Variants in CUL9 observed in about 807,000 individuals in gnomAD.
CUL9 encodes the protein cullin 9.
Under a neutral mutation model 272.6 loss-of-function variants are expected in CUL9, and 79 were observed. The ratio of observed to expected loss-of-function variants is 0.29; its 90% confidence interval spans 0.24 to 0.35. CUL9 has a LOEUF of 0.35. Among genes scored for constraint, CUL9 ranks in the 10% least tolerant of loss-of-function variants. The probability of loss-of-function intolerance (pLI) is 1.00; values close to 1 mark genes in which losing one functional copy is unlikely to be tolerated. For synonymous variants in CUL9, 1,186 were observed against 1,286.5 expected (o/e 0.92, Z 1.67); for missense variants, 2,532 against 3,255.6 (o/e 0.78, Z 5.41).
In CUL9 at chr6:43,205,292, C is replaced by G; in HGVS notation, c.4662C>G (p.Asp1554Glu). The G allele has an allele frequency of 6.2e-7, 1 of 1,614,188 alleles. No individual in the cohort carries two copies. The highest frequency in any genetic ancestry group is 8.5e-7 in the Non-Finnish European group (1 of 1,180,000). The change falls in exon 24 of 41, where the codon GAC (aspartate) becomes GAG (glutamate). Residue 1554 changes from aspartate to glutamate, a missense_variant. Physicochemically the swap from Asp to Glu is conservative, Grantham distance 45. Transcript: ENST00000252050. ...GTGAGCAGTTTGCCAGGTACATTGACCAACAGATCCAGGGTGGCCTGATTG... is the reference window on the plus strand; with the variant it reads ...GTGAGCAGTTTGCCAGGTACATTGAGCAACAGATCCAGGGTGGCCTGATTG... ...HMSEQFARYIDQQIQGGLIGG... is the reference protein window; with the variant it reads ...HMSEQFARYIEQQIQGGLIGG...
In CUL9 at chr6:43,200,122, A is replaced by G; in HGVS notation, c.3350A>G (p.Asn1117Ser). Residue 1117 changes from asparagine (N) to serine (S), a missense_variant, in exon 14 of 41, where the codon AAC (asparagine) becomes AGC (serine). This residue lies in a region of CUL9 where 2,218 missense variants were observed against 2,788.6 expected (regional missense o/e 0.80). Coordinates refer to ENST00000252050, the MANE Select transcript of CUL9 (RefSeq NM_015089.4). This position sits in a 1 kb window ranked among gnomAD's most constrained non-coding sequence, Gnocchi z 4.0. ...ECEKYAQLYS[N>S]LTSSILAGCI... ...GAGAAGTACGCACAGCTCTATAGCA[A>G]CCTCACCTCCAGCATCCTGGCCGGC... 6.2e-7 allele frequency: 1 copy of G among 1,614,124 alleles called. No individual in the cohort carries two copies. The highest frequency in any genetic ancestry group is 8.5e-7 in the Non-Finnish European group (1 of 1,180,006).
rs1582419681 is a variant in CUL9 at position 43,216,355 on chromosome 6, A to C, written c.6134A>C (p.Asp2045Ala). The C allele has an allele frequency of 1.9e-6, 3 of 1,614,032 alleles. No homozygotes were observed. The highest frequency in any genetic ancestry group is 2.5e-6 in the Non-Finnish European group (3 of 1,179,988). ...CAGCTGCTGCAGAGCTACAGTGAGG[A>C]CCCTGAGCCACTGCTGCTGGCAGCT... is the stretch of plus-strand genomic sequence containing the variant. ...AEQLLQSYSE[D>A]PEPLLLAAGL... Residue 2045 changes from aspartate to alanine, a missense_variant, in exon 31 of 41, where the codon GAC becomes GCC. Asp to Ala is a moderately radical substitution (Grantham distance 126). This residue lies in a region of CUL9 where 2,218 missense variants were observed against 2,788.6 expected (regional missense o/e 0.80). Coordinates refer to ENST00000252050, the MANE Select transcript of CUL9 (RefSeq NM_015089.4).
intron 31 of CUL9, among the ~76,000 whole-genome samples, chr6:43,219,087 G>T (rs185397169): frequency 3.6e-4 from 55 of 152,248 alleles, no homozygotes; most frequent in Non-Finnish European, 6.2e-4. Context: ...TACTCAGGAG[G>T]TTGAGGTGGG....
chr6:43,189,364 T>G (rs1773225351), intron 8 of CUL9, among the ~76,000 whole-genome samples: 1 of 151,804 alleles, frequency 6.6e-6, no homozygotes, highest in Non-Finnish European at 1.5e-5. Context: ...TTTTGTACTT[T>G]TAGTAGAGAC....
intron 8 of CUL9, among the ~76,000 whole-genome samples, chr6:43,189,376 G>A (rs1459373953): frequency 2.0e-5 from 3 of 151,820 alleles, no homozygotes; most frequent in African/African-American, 7.3e-5. Flanking sequence ...AGTAGAGACA[G>A]GGTTTCATCA....
chr6:43,223,036 C>A lies in CUL9; in HGVS notation c.7150+140C>A. On this transcript the variant is annotated intron_variant, in intron 38 of 40. Coordinates refer to ENST00000252050, the MANE Select transcript of CUL9 (RefSeq NM_015089.4). The surrounding 1 kb of genome is among the most constrained non-coding windows in gnomAD (Gnocchi z 4.1). ...TTCATTCTTCATGGCCTTCTCACTG[C>A]CTGGCTGTTAAAGCTCAGGTCGAAA... The A allele has an allele frequency of 2.2e-6, 2 of 903,536 alleles. No homozygotes were observed. Among genetic ancestry groups the A allele is most frequent in the South Asian group, 1.6e-5 (1 of 61,350 alleles). The allele number at this position is 903,536 out of a possible 1,614,324, so 56.0% of individuals were successfully genotyped here.
chr6:43,193,693 C>T (rs1423462718), intron 9 of CUL9, among the ~76,000 whole-genome samples: 4 of 152,062 alleles, frequency 2.6e-5, no homozygotes, highest in Admixed American at 6.6e-5. Context: ...CATGAGCCAC[C>T]GTGCCCAGCC....
Position 43,187,891 on chromosome 6 carries a change from A to G in CUL9, c.1760A>G (p.Asn587Ser). 6.2e-7 allele frequency: 1 copy of G among 1,614,060 alleles called. No individual in the cohort carries two copies. Among genetic ancestry groups the G allele is most frequent in the Non-Finnish European group, 8.5e-7 (1 of 1,180,008 alleles). The stretch of plus-strand genomic sequence containing the variant: ...CCAAGCAGCTCGTCTACTTCACGAA[A>G]TCACTCCTGTACCCCAGATCCAGAA... The part of the protein sequence containing the change: ...NEPSSSSTSR[N>S]HSCTPDPEEE... The change falls in exon 7 of 41, where the codon AAT becomes AGT. Residue 587 changes from asparagine to serine, a missense_variant. Physicochemically the swap from Asn to Ser is conservative, Grantham distance 46. Coordinates refer to ENST00000252050, the MANE Select transcript of CUL9 (RefSeq NM_015089.4).
rs1049487265 is a variant in CUL9 at position 43,223,068 on chromosome 6, A to T, written c.7150+172A>T. On this transcript the variant is annotated intron_variant, in intron 38 of 40. Transcript: ENST00000252050. The surrounding 1 kb of genome is among the most constrained non-coding windows in gnomAD (Gnocchi z 4.1). ...GTTAAAGCTCAGGTCGAAAGCCTACATTGTAAGGTGCCCAAGGGCGCAGAT... is the reference window on the plus strand; with the variant it reads ...GTTAAAGCTCAGGTCGAAAGCCTACTTTGTAAGGTGCCCAAGGGCGCAGAT... 1 of 926,046 alleles carries T rather than the reference A, an allele frequency of 1.1e-6. No homozygotes were observed. Among genetic ancestry groups the T allele is most frequent in the African/African-American group, 1.7e-5 (1 of 60,014 alleles). 57.4% of individuals were successfully genotyped at this position (926,046 alleles called of 1,614,324 possible).
At chr6:43,187,207 C>A in intron 5 of CUL9, 39 bp from the exon 6 acceptor site, 2 of 1,607,814 alleles carry the variant, frequency 1.2e-6, no homozygotes, top group African/African-American at 1.3e-5. Flanking sequence ...AGACCCCATT[C>A]CTGAGGGGTG....
chr6:43,193,523 T>C (rs1773713533), intron 9 of CUL9, among the ~76,000 whole-genome samples: 1 of 152,140 alleles, frequency 6.6e-6, no homozygotes, highest in East Asian at 1.9e-4. Flanking sequence ...CATAAGCCAC[T>C]GTGCCAGGCC....
Position 43,215,231 on chromosome 6 carries a change from G to C in CUL9, c.5841G>C (p.Gln1947His). The C allele has an allele frequency of 6.2e-7, 1 of 1,614,202 alleles. No individual in the cohort carries two copies. The highest frequency in any genetic ancestry group is 8.5e-7 in the Non-Finnish European group (1 of 1,180,040). The part of the protein sequence containing the change: ...GYVKRRDDRP[Q>H]ILMYAAPEPM... ...TGAAACGGCGTGATGACCGGCCCCAGATCCTGATGTATGCCGCTCCAGAGC... is the reference window on the plus strand; with the variant it reads ...TGAAACGGCGTGATGACCGGCCCCACATCCTGATGTATGCCGCTCCAGAGC... The change falls in exon 30 of 41, where the codon CAG becomes CAC. Residue 1947 changes from glutamine (Q) to histidine (H), a missense_variant. Gln to His is a conservative substitution (Grantham distance 24). This residue lies in a region of CUL9 where 2,218 missense variants were observed against 2,788.6 expected (regional missense o/e 0.80). Transcript: ENST00000252050.
chr6:43,214,350 C>T (rs1562054894), intron 29 of CUL9, among the ~76,000 whole-genome samples: 1 of 152,210 alleles, frequency 6.6e-6, no homozygotes, highest in Non-Finnish European at 1.5e-5. Context: ...ACCCAGGAGG[C>T]GGAGGTTACA....
chr6:43,194,317 T>C, intron 9 of CUL9, among the ~76,000 whole-genome samples: 1 of 152,046 alleles, frequency 6.6e-6, no homozygotes, highest in Non-Finnish European at 1.5e-5. Context: ...TTTTTCTTTT[T>C]TCTTTTCTTT....
At chr6:43,208,931 G>A (rs1041007998) in intron 26 of CUL9, among the ~76,000 whole-genome samples, 2 of 151,584 alleles carry the variant, frequency 1.3e-5, no homozygotes, top group African/African-American at 4.9e-5. Flanking sequence ...TGCAACCTCC[G>A]CCTCCCAGGC....
rs766776219 is a variant in CUL9 at position 43,220,768 on chromosome 6, G to A, written c.6445G>A (p.Gly2149Ser). 2 of 1,613,040 alleles carry A rather than the reference G, an allele frequency of 1.2e-6. No individual in the cohort carries two copies. The highest frequency in any genetic ancestry group is 2.2e-5 in the South Asian group (2 of 91,064). ...ISKYEKALLR[G>S]YVESCSNLTW... The stretch of plus-strand genomic sequence containing the variant: ...ACAGTATGAGAAGGCGCTCCTGCGT[G>A]GCTATGTGGAGAGCTGCTCCAACCT... Residue 2149 changes from glycine (G) to serine (S), a missense_variant, in exon 33 of 41, where the codon GGC becomes AGC. By Grantham distance (56) the Gly-to-Ser change is moderately conservative. Transcript: ENST00000252050. This position sits in a 1 kb window ranked among gnomAD's most constrained non-coding sequence, Gnocchi z 4.9.
chr6:43,223,251 G>A lies in CUL9; in HGVS notation c.7151-13G>A. On this transcript the variant is annotated splice_polypyrimidine_tract_variant and intron_variant, in intron 38 of 40. Transcript: ENST00000252050. The surrounding 1 kb of genome is among the most constrained non-coding windows in gnomAD (Gnocchi z 4.1). ...GAGAAGGGAGGGAGCCTCTGTGCCT[G>A]CCCCCTCTGCAGAGGAAACCCTGCT... is the stretch of plus-strand genomic sequence containing the variant. The A allele has an allele frequency of 6.3e-7, 1 of 1,589,028 alleles. No individual in the cohort carries two copies. Among genetic ancestry groups the A allele is most frequent in the Non-Finnish European group, 8.6e-7 (1 of 1,165,744 alleles).
chr6:43,194,722 CAT>C (rs1451208113), intron 9 of CUL9, among the ~76,000 whole-genome samples: 1 of 152,050 alleles, frequency 6.6e-6, no homozygotes, highest in African/African-American at 2.4e-5. Context: ...GTGACCAAAA[CAT>C]AGCAATTGCC....
In CUL9 at chr6:43,222,819, A is replaced by G; in HGVS notation, c.7073A>G (p.Asp2358Gly). 1 of 1,614,108 alleles carries G rather than the reference A, an allele frequency of 6.2e-7. No homozygotes were observed. Among genetic ancestry groups the G allele is most frequent in the Non-Finnish European group, 8.5e-7 (1 of 1,179,994 alleles). Residue 2358 changes from aspartate (D) to glycine (G), a missense_variant, in exon 38 of 41, where the codon GAC (aspartate) becomes GGC (glycine). By Grantham distance (94) the Asp-to-Gly change is moderately conservative. This residue lies in a region of CUL9 where 237 missense variants were observed against 305.9 expected (regional missense o/e 0.77). Coordinates refer to ENST00000252050, the MANE Select transcript of CUL9 (RefSeq NM_015089.4). ...YACVYSFYSQ[D>G]AEYMDVVEQQ... is the part of the protein sequence containing the mutation. ...TGCGTGTACAGCTTCTACAGCCAGG[A>G]CGCAGAGTACATGGATGTGGTGGAG...
Sources: gnomAD v4.1 joint callset for allele counts (sites outside exome capture counted in the v4.1 genomes callset) on GRCh38, gnomAD v4.1.1 for gene constraint, gnomAD v4.1.1 regional missense constraint, Gnocchi (gnomAD v3.1) non-coding constraint, MANE v1.5 for transcripts, NCBI Gene and HGNC (gene_info 2026-07-23, HGNC 2026-07-21) for gene names.